The following COL22A1 variants were observed in gnomAD, a reference collection of about 807,000 sequenced individuals.
The protein encoded by COL22A1 is collagen type XXII alpha 1 chain, also known as collagen alpha-1(XXII) chain.
In COL22A1, 221 loss-of-function variants were observed where a neutral mutation model predicts 248.9. The ratio of observed to expected loss-of-function variants is 0.89; its 90% CI spans 0.80 to 0.99. COL22A1 has a LOEUF of 0.99. Ranked by LOEUF, COL22A1 falls within the 50% of genes least tolerant of loss-of-function variation. The pLI is 0.00. For synonymous variants in COL22A1, 891 were observed against 793.4 expected, an observed-to-expected ratio of 1.12 and a Z score of -2.07; for missense variants, 2,240 against 2,179.0, an observed-to-expected ratio of 1.03 and a Z score of -0.56.
intron 6 of COL22A1, among the ~76,000 whole-genome samples, chr8:138,822,702 G>A (rs948827275): frequency 1.2e-4 from 19 of 152,146 alleles, no homozygotes; most frequent in African/African-American, 4.6e-4. Context: ...CTTGGCCCAT[G>A]GGAAGTCCAT....
intron 7 of COL22A1, among the ~76,000 whole-genome samples, chr8:138,817,640 A>G (rs1156307814): frequency 6.6e-6 from 1 of 152,206 alleles, no homozygotes; most frequent in East Asian, 1.9e-4. Context: ...GGGGTCGACC[A>G]TATAATACAA....
intron 57 of COL22A1, 135 bp from the exon 58 acceptor site, chr8:138,606,587 G>A: frequency 1.2e-6 from 1 of 845,078 alleles, no homozygotes; most frequent in South Asian, 1.6e-5. Context: ...ATGATGGAGG[G>A]GCATGGGTTA....
At chr8:138,811,040 C>T (rs780115560) in intron 9 of COL22A1, among the ~76,000 whole-genome samples, 13 of 152,102 alleles carry the variant, frequency 8.5e-5, no homozygotes, top group Admixed American at 2.0e-4. Flanking sequence ...TTCTACTTGG[C>T]GTCTGCCTTT....
intron 23 of COL22A1, among the ~76,000 whole-genome samples, chr8:138,736,060 A>C (rs1831086120): frequency 6.6e-6 from 1 of 152,080 alleles, no homozygotes; most frequent in Admixed American, 6.5e-5. Context: ...CCAGGGGAAC[A>C]GGGACAGCCA....
chr8:138,905,287 T>A (rs1814925764), intron 1 of COL22A1, among the ~76,000 whole-genome samples: 1 of 152,198 alleles, frequency 6.6e-6, no homozygotes, highest in Admixed American at 6.5e-5. Flanking sequence ...TCCCTCTAGA[T>A]ACCCCTTATA....
intron 12 of COL22A1, among the ~76,000 whole-genome samples, chr8:138,793,225 G>A (rs1586756481): frequency 1.3e-5 from 2 of 152,210 alleles, no homozygotes; most frequent in Non-Finnish European, 2.9e-5. Context: ...GGTCAGCTAA[G>A]AAGCCAGTTT....
At chr8:138,652,625 T>C (rs1224855095) in intron 45 of COL22A1, among the ~76,000 whole-genome samples, 1 of 151,602 alleles carries the variant, frequency 6.6e-6, no homozygotes, top group African/African-American at 2.4e-5. Flanking sequence ...AAATAATGCA[T>C]ACAAAGTGCC....
chr8:138,771,213 G>C (rs1244557466), intron 16 of COL22A1, among the ~76,000 whole-genome samples: 1 of 152,154 alleles, frequency 6.6e-6, no homozygotes, highest in Non-Finnish European at 1.5e-5. Flanking sequence ...CCTCACCAGG[G>C]GATGATCTTC....
At chr8:138,722,919 G>A (rs868646084) in intron 25 of COL22A1, among the ~76,000 whole-genome samples, 52 of 150,570 alleles carry the variant, frequency 3.5e-4, no homozygotes, top group Non-Finnish European at 2.7e-4. Flanking sequence ...CAGGGGGAGG[G>A]AGAGCATCAG....
intron 25 of COL22A1, among the ~76,000 whole-genome samples, chr8:138,724,325 T>C (rs530210410): frequency 6.6e-6 from 1 of 152,164 alleles, no homozygotes; most frequent in Non-Finnish European, 1.5e-5. Flanking sequence ...AGCAAAGGAC[T>C]CTTGAATGTG....
intron 31 of COL22A1, among the ~76,000 whole-genome samples, chr8:138,702,947 A>G (rs1828087801): frequency 6.6e-6 from 1 of 152,220 alleles, no homozygotes; most frequent in East Asian, 1.9e-4. Context: ...TAACACGTAT[A>G]GAGGGCCAAT....
At chr8:138,795,863 T>A (rs1251667231) in intron 12 of COL22A1, among the ~76,000 whole-genome samples, 2 of 152,158 alleles carry the variant, frequency 1.3e-5, no homozygotes, top group Non-Finnish European at 2.9e-5. Context: ...GAGAGCTGTT[T>A]CTACTGTAAC....
intron 16 of COL22A1, among the ~76,000 whole-genome samples, chr8:138,764,904 C>T (rs1054754570): frequency 3.9e-5 from 6 of 152,078 alleles, no homozygotes; most frequent in Non-Finnish European, 7.4e-5. Flanking sequence ...TGCAGTGAGC[C>T]GAGATCGTGC....
At chr8:138,755,637 C>G (rs1832936287) in intron 19 of COL22A1, 126 bp from the exon 20 acceptor site, 1 of 1,341,578 alleles carries the variant, frequency 7.5e-7, no homozygotes. Flanking sequence ...TGACTTTTCT[C>G]TGATTCTGCC....
intron 30 of COL22A1, among the ~76,000 whole-genome samples, chr8:138,714,301 T>C (rs766170613): frequency 1.1e-4 from 17 of 152,162 alleles, no homozygotes; most frequent in Non-Finnish European, 2.1e-4. Flanking sequence ...CAGTGGCTGT[T>C]TTCTGTTTGT....
intron 56 of COL22A1, among the ~76,000 whole-genome samples, chr8:138,611,126 A>G (rs61085818): frequency 0.042 from 6,409 of 152,308 alleles, 199 homozygotes; most frequent in South Asian, 0.098. Flanking sequence ...GCACTCATCA[A>G]GAATTTGATC....
intron 46 of COL22A1, among the ~76,000 whole-genome samples, chr8:138,648,873 A>G (rs982674909): frequency 3.3e-5 from 5 of 152,128 alleles, no homozygotes; most frequent in Non-Finnish European, 7.3e-5. Context: ...AGGACTAAGT[A>G]TTGCTTATCT....
intron 22 of COL22A1, among the ~76,000 whole-genome samples, chr8:138,743,146 G>T (rs886773336): frequency 1.2e-4 from 18 of 151,354 alleles, no homozygotes; most frequent in African/African-American, 4.1e-4. Flanking sequence ...TGGTGGAGTT[G>T]ATGGTGATGG....
intron 4 of COL22A1, among the ~76,000 whole-genome samples, chr8:138,842,717 A>C (rs959124341): frequency 1.8e-4 from 28 of 152,364 alleles, no homozygotes; most frequent in African/African-American, 6.0e-4. Context: ...GCTCAGATAT[A>C]AATACACTTA....
Sources: allele counts gnomAD v4.1 joint callset (sites outside exome capture counted in the v4.1 genomes callset), GRCh38; gene constraint gnomAD v4.1.1; transcripts MANE v1.5; gene names NCBI Gene and HGNC (gene_info 2026-07-23, HGNC 2026-07-21).